The following LIPG variants were observed in gnomAD, a reference collection of about 807,000 sequenced individuals.
LIPG encodes the protein lipase G, endothelial type.
LIPG carries 34 observed loss-of-function variants against 51.8 expected under a neutral mutation model. The ratio of observed to expected loss-of-function variants is 0.66; its 90% confidence interval spans 0.50 to 0.87. The LOEUF (loss-of-function observed/expected upper bound fraction) is 0.87, where lower values mean the gene tolerates loss of function less well. Ranked by LOEUF, LIPG falls within the 40% of genes least tolerant of loss-of-function variation. The pLI is 0.00. For missense variants in LIPG, 580 were observed against 652.7 expected (o/e 0.89, Z 1.21); for synonymous variants, 246 against 246.1 (o/e 1.00, Z 0.00).
At chr18:49,590,090 G>T (rs2084924336) in intron 9 of LIPG, 1 of 329,524 alleles carries the variant, frequency 3.0e-6, no homozygotes, top group Non-Finnish European at 5.9e-6. Context: ...CCCCCTTTCT[G>T]CCAATACAGT....
intron 8 of LIPG, among the ~76,000 whole-genome samples, chr18:49,584,988 A>G (rs921956526): frequency 1.1e-4 from 17 of 152,238 alleles, no homozygotes; most frequent in African/African-American, 4.1e-4. Context: ...TTCTTCTTTC[A>G]AACCAAATAT....
chr18:49,578,522 G>A lies in LIPG; in HGVS notation c.794-2893G>A, dbSNP rs1369404844. On this transcript the variant is annotated intron_variant, in intron 5 of 9. Transcript: ENST00000261292. ...GATGGGATGGCGGCCGGGCGGAGAC[G>A]CTCCTCACTTTCCAGACTGGGCAGC... Among the ~76,000 whole-genome samples, 518 of 144,536 alleles carry A rather than the reference G, an allele frequency of 3.6e-3. 3 individuals are homozygous for A. The highest frequency in any genetic ancestry group is 0.013 in the African/African-American group (489 of 37,784). The allele number at this position is 144,536 out of a possible 152,430, so 94.8% of individuals were successfully genotyped here.
At chr18:49,576,750 T>C (rs1403851866) in intron 5 of LIPG, among the ~76,000 whole-genome samples, 3 of 152,020 alleles carry the variant, frequency 2.0e-5, no homozygotes, top group Non-Finnish European at 4.4e-5. Flanking sequence ...GGATTACAGG[T>C]GTGAGCCACT....
In LIPG at chr18:49,578,627, C is replaced by T. The variant is rs879386239; in HGVS notation, c.794-2788C>T. On this transcript the variant is annotated intron_variant, in intron 5 of 9. Transcript: ENST00000261292. Reference sequence around the variant, plus strand: ...CTCACTTCCCAGATGGGGTGGCGGCCGGGCAGAGGCTGCAATCTCGGCACT... The same window carrying T: ...CTCACTTCCCAGATGGGGTGGCGGCTGGGCAGAGGCTGCAATCTCGGCACT... Among the ~76,000 whole-genome samples, 1,234 of 151,138 alleles carry T rather than the reference C, an allele frequency of 8.2e-3. 4 individuals are homozygous for T. The highest frequency in any genetic ancestry group is 0.02 in the Middle Eastern group (6 of 294).
intron 8 of LIPG, among the ~76,000 whole-genome samples, chr18:49,586,419 G>A (rs944510247): frequency 1.3e-5 from 2 of 152,212 alleles, no homozygotes; most frequent in African/African-American, 4.8e-5. Flanking sequence ...AAAGGCCAAG[G>A]GAGGGTTAGG....
intron 5 of LIPG, among the ~76,000 whole-genome samples, chr18:49,579,737 G>T (rs2060706169): frequency 7.9e-6 from 1 of 125,816 alleles, no homozygotes; most frequent in Non-Finnish European, 1.7e-5. Context: ...ATAGGATGAT[G>T]GCCTTTCTTT....
chr18:49,585,078 T>C (rs2084867449), intron 8 of LIPG, among the ~76,000 whole-genome samples: 3 of 152,360 alleles, frequency 2.0e-5, no homozygotes, highest in South Asian at 2.1e-4. Context: ...ACTGTTTTTT[T>C]TGAGACTGAG....
rs1310523572 is a variant in LIPG, at chr18:49,583,565, G to C, written c.1167G>C (p.Arg389=). The part of the protein sequence containing the change: ...SQTLPLEIVE[R]IEQNATNTFL... ...TCTCTCCCACTTGTAGAGTGGAGCG[G>C]ATCGAGCAGAATGCCACCAACACCT... The change falls in exon 8 of 10, where the codon CGG becomes CGC. Residue 389 remains arginine (R), a synonymous_variant. Transcript: ENST00000261292. 2.5e-6 allele frequency: 4 copies of C among 1,614,082 alleles called. No homozygotes were observed. Among genetic ancestry groups the C allele is most frequent in the Admixed American group, 3.3e-5 (2 of 60,020 alleles).
In LIPG at chr18:49,593,694, A is replaced by G. The variant is rs1381575749; in HGVS notation, c.*3172A>G. On this transcript the variant is annotated 3_prime_UTR_variant, in exon 10 of 10. Transcript: ENST00000261292. ...CAGCCCAGGGGTCCCCTACCAGCCA[A>G]TGGAAAGCCAGAAAAGGGAAGGGAT... 1.3e-5 allele frequency: 2 copies of G among 152,218 alleles called. No homozygotes were observed. Among genetic ancestry groups the G allele is most frequent in the Non-Finnish European group, 2.9e-5 (2 of 68,066 alleles). The allele number at this position is 152,218 out of a possible 1,614,324, so 9.4% of individuals were successfully genotyped here.
chr18:49,563,994 C>T (rs537550427), intron 1 of LIPG, among the ~76,000 whole-genome samples: 31 of 152,194 alleles, frequency 2.0e-4, no homozygotes, highest in Admixed American at 7.2e-4. Context: ...TCATTATGTC[C>T]GTGGTTCAAA....
chr18:49,590,720 C>T lies in LIPG; in HGVS notation c.*198C>T. 1.5e-6 allele frequency: 1 copy of T among 650,732 alleles called. No individual in the cohort carries two copies. Among genetic ancestry groups the T allele is most frequent in the South Asian group, 1.8e-5 (1 of 57,020 alleles). 40.3% of individuals were successfully genotyped at this position (650,732 alleles called of 1,614,324 possible). On this transcript the variant is annotated 3_prime_UTR_variant, in exon 10 of 10. Coordinates refer to ENST00000261292, the MANE Select transcript of LIPG (RefSeq NM_006033.4). ...ACTGCGCTGCTATAGCTCTTGCTGC[C>T]TCTCTTGAATAGCTCTAACTCCAAA... is the stretch of plus-strand genomic sequence containing the variant.
At chr18:49,586,179 C>A (rs2084877823) in intron 8 of LIPG, among the ~76,000 whole-genome samples, 1 of 152,188 alleles carries the variant, frequency 6.6e-6, no homozygotes, top group East Asian at 1.9e-4. Context: ...TTTTGACTTG[C>A]AGCTGAGTTG....
At chr18:49,580,997 A>G (rs960672564) in intron 5 of LIPG, among the ~76,000 whole-genome samples, 37 of 152,142 alleles carry the variant, frequency 2.4e-4, no homozygotes, top group African/African-American at 8.9e-4. Flanking sequence ...AGCGGCTCAC[A>G]TCTGTAATCC....
At position 49,575,447 on chromosome 18, in the gene LIPG, A is replaced by C; in HGVS notation, c.650A>C (p.Asp217Ala). The change falls in exon 5 of 10, where the codon GAT becomes GCT. Residue 217 changes from aspartate to alanine, a missense_variant. By Grantham distance (126) the Asp-to-Ala change is moderately radical (BLOSUM62 -2). Coordinates refer to ENST00000261292, the MANE Select transcript of LIPG (RefSeq NM_006033.4). ...TCTCCGGACGATGCAGATTTTGTGG[A>C]TGTCCTCCACACCTACACGCGTTCC... ...RLSPDDADFV[D>A]VLHTYTRSFG... is the part of the protein sequence containing the mutation. The C allele has an allele frequency of 6.2e-7, 1 of 1,614,170 alleles. No individual in the cohort carries two copies. Among genetic ancestry groups the C allele is most frequent in the Non-Finnish European group, 8.5e-7 (1 of 1,180,046 alleles).
At position 49,597,101 on chromosome 18, in the gene LIPG, G is replaced by A. The variant is rs1426637366; in HGVS notation, c.*6579G>A. 6.6e-6 allele frequency: 1 copy of A among 152,186 alleles called. No homozygotes were observed. Among genetic ancestry groups the A allele is most frequent in the Non-Finnish European group, 1.5e-5 (1 of 68,050 alleles). 9.4% of individuals were successfully genotyped at this position (152,186 alleles called of 1,614,324 possible). A position where few individuals can be genotyped will look rare whatever the true frequency, so the allele number is the denominator to read the frequency against. ...AAGGAAATTTTCCTCTCCCTAGCAAGCAAACTCAGAAACAAACAAACAAAC... is the reference window on the plus strand; with the variant it reads ...AAGGAAATTTTCCTCTCCCTAGCAAACAAACTCAGAAACAAACAAACAAAC... On this transcript the variant is annotated 3_prime_UTR_variant, in exon 10 of 10. Transcript: ENST00000261292.
chr18:49,579,018 G>C (rs1191776607), intron 5 of LIPG, among the ~76,000 whole-genome samples: 5 of 20 alleles, frequency 0.25, no homozygotes, highest in Admixed American at 0.5. Flanking sequence ...GGGAGAGGGA[G>C]AGGGAGAGGG....
At chr18:49,576,091 G>A (rs2084713056) in intron 5 of LIPG, among the ~76,000 whole-genome samples, 1 of 151,936 alleles carries the variant, frequency 6.6e-6, no homozygotes, top group Admixed American at 6.6e-5. Context: ...ACCTGCCTCG[G>A]CCTCCCAAAG....
rs1182190573 is a variant in LIPG, at chr18:49,595,454, T to C, written c.*4932T>C. 2.0e-5 allele frequency: 3 copies of C among 152,302 alleles called. No individual in the cohort carries two copies. The highest frequency in any genetic ancestry group is 2.9e-5 in the Non-Finnish European group (2 of 68,030). The allele number at this position is 152,302 out of a possible 1,614,324, so 9.4% of individuals were successfully genotyped here. ...GAGACAATACTGCTCAGGGTTGTTG[T>C]GAATGTTAAAGGTACATGGTAAAAA... On this transcript the variant is annotated 3_prime_UTR_variant, in exon 10 of 10. Transcript: ENST00000261292.
intron 1 of LIPG, 60 bp from the exon 2 acceptor site, chr18:49,565,257 C>T: frequency 6.4e-7 from 1 of 1,556,450 alleles, no homozygotes; most frequent in Middle Eastern, 2.2e-4. Context: ...AGAATCAGAC[C>T]CCAGGTCTCT....
Sources: allele counts gnomAD v4.1 joint callset (sites outside exome capture counted in the v4.1 genomes callset), GRCh38; gene constraint gnomAD v4.1.1; transcripts MANE v1.5; gene names NCBI Gene and HGNC (gene_info 2026-07-23, HGNC 2026-07-21).